Variants in SHANK2 observed in about 807,000 individuals in gnomAD.
The protein encoded by SHANK2 is SH3 and multiple ankyrin repeat domains protein 2.
In SHANK2, 43 loss-of-function variants were observed where a neutral mutation model predicts 133.7. The observed-to-expected ratio is 0.32, with a 90% CI of 0.25 to 0.41. The LOEUF (loss-of-function observed/expected upper bound fraction) is 0.41, where lower values mean the gene tolerates loss of function less well. SHANK2 is among the 10% of genes least tolerant of loss of function. The pLI is 1.00. For synonymous variants in SHANK2, 1,017 were observed against 952.8 expected (o/e 1.07, Z -1.24); for missense variants, 1,994 against 2,235.8 (o/e 0.89, Z 2.18).
chr11:70,486,397 A>G lies in SHANK2; in HGVS notation c.3896T>C (p.Leu1299Pro), dbSNP rs2058805911. The change falls in exon 25 of 26, where the codon CTG becomes CCG. Residue 1299 changes from leucine (L) to proline (P), a missense_variant. Physicochemically the swap from Leu to Pro is moderately conservative, Grantham distance 98. Transcript: ENST00000601538. The surrounding 1 kb of genome is among the most constrained non-coding windows in gnomAD (Gnocchi z 8.0). ...DRKGDDKKNM[L>P]IDIMDTSQQK... ...CTGGGACGTGTCCATGATGTCGATCAGCATGTTCTTCTTGTCATCGCCTTT... is the reference window on the plus strand; with the variant it reads ...CTGGGACGTGTCCATGATGTCGATCGGCATGTTCTTCTTGTCATCGCCTTT... 5.0e-6 allele frequency: 8 copies of G among 1,613,854 alleles called. No individual in the cohort carries two copies. The highest frequency in any genetic ancestry group is 6.8e-6 in the Non-Finnish European group (8 of 1,180,022).
At chr11:71,190,623 C>T (rs1440026364) in intron 2 of SHANK2, among the ~76,000 whole-genome samples, 1 of 152,202 alleles carries the variant, frequency 6.6e-6, no homozygotes, top group East Asian at 1.9e-4. Flanking sequence ...CTCTTAAGGC[C>T]TCTCCCCTTT....
At chr11:70,697,856 C>A (rs573643152) in intron 15 of SHANK2, among the ~76,000 whole-genome samples, 5 of 152,128 alleles carry the variant, frequency 3.3e-5, no homozygotes, top group African/African-American at 4.8e-5. Context: ...GGGCACAGGA[C>A]CCTCACATCC....
intron 17 of SHANK2, among the ~76,000 whole-genome samples, chr11:70,590,208 A>C (rs2060303858): frequency 6.6e-6 from 1 of 152,144 alleles, no homozygotes; most frequent in South Asian, 2.1e-4. Context: ...TGAAGATGGG[A>C]CTTAAACGCT....
At chr11:71,134,321 G>T (rs1396936834) in intron 3 of SHANK2, among the ~76,000 whole-genome samples, 1 of 151,740 alleles carries the variant, frequency 6.6e-6, no homozygotes, top group African/African-American at 2.4e-5. Context: ...CTCTTGGGGG[G>T]ATGGAAGCTT....
chr11:70,825,543 C>T (rs576459076), intron 11 of SHANK2, among the ~76,000 whole-genome samples: 10 of 152,272 alleles, frequency 6.6e-5, no homozygotes, highest in Non-Finnish European at 1.5e-4. Context: ...GAAATCTCAC[C>T]GGTGACATCA....
chr11:71,158,141 T>C (rs560619339), intron 2 of SHANK2, among the ~76,000 whole-genome samples: 24 of 152,200 alleles, frequency 1.6e-4, no homozygotes, highest in Non-Finnish European at 3.1e-4. Context: ...CCGAATGCAT[T>C]GTTTATGGAC....
rs1554986726 is a variant in SHANK2 at position 70,586,295 on chromosome 11, G to T, written c.2061+73533C>A. Among the ~76,000 whole-genome samples the T allele has an allele frequency of 2.0e-5, 3 of 152,260 alleles. No homozygotes were observed. In the East Asian group the frequency reaches 5.8e-4, roughly 29 times the overall value. On this transcript the variant is annotated intron_variant, in intron 17 of 25. Transcript: ENST00000601538. ...GGGGGCAGATCAGGAAGATGGGAAT[G>T]GGGTGCCTCCTCAGGGACCCTCTGG...
intron 17 of SHANK2, among the ~76,000 whole-genome samples, chr11:70,526,532 G>A (rs138722312): frequency 1.9e-4 from 29 of 152,274 alleles, no homozygotes; most frequent in African/African-American, 5.3e-4. Flanking sequence ...CAGCGCACAC[G>A]CGTCAGGGCC....
intron 2 of SHANK2, among the ~76,000 whole-genome samples, chr11:71,176,303 C>A (rs782713487): frequency 9.9e-5 from 15 of 152,062 alleles, no homozygotes; most frequent in Non-Finnish European, 1.6e-4. Context: ...ACAGGTCCAA[C>A]AAGATTAAAT....
chr11:70,664,250 C>G (rs985458179), intron 15 of SHANK2, among the ~76,000 whole-genome samples: 1 of 152,184 alleles, frequency 6.6e-6, no homozygotes, highest in African/African-American at 2.4e-5. Context: ...TAGTCACCAC[C>G]CATTTTCCCT....
chr11:70,497,062 G>A, intron 21 of SHANK2: 1 of 456,516 alleles, frequency 2.2e-6, no homozygotes, highest in Non-Finnish European at 4.4e-6. Context: ...GGCGTGTTGG[G>A]GTGGTAGGGT....
At chr11:71,080,990 C>G (rs987233683) in intron 8 of SHANK2, among the ~76,000 whole-genome samples, 3 of 152,150 alleles carry the variant, frequency 2.0e-5, no homozygotes, top group African/African-American at 7.2e-5. Flanking sequence ...AGCATTCATG[C>G]GTTGGAGTCC....
chr11:70,671,269 C>T (rs782737254), intron 15 of SHANK2, among the ~76,000 whole-genome samples: 16 of 152,014 alleles, frequency 1.1e-4, no homozygotes, highest in Non-Finnish European at 2.1e-4. Flanking sequence ...CGAACGGAAA[C>T]GTCGTCTAGG....
Position 71,175,554 on chromosome 11 carries a change from GA to G in SHANK2, c.-12-28217del, listed in dbSNP as rs879960544. Among the ~76,000 whole-genome samples the G allele has an allele frequency of 0.35, 18,699 of 52,866 alleles. 1,498 individuals carry two copies. Among genetic ancestry groups the G allele is most frequent in the South Asian group, 0.5 (802 of 1,600 alleles). The allele number at this position is 52,866 out of a possible 152,430, so 34.7% of individuals were successfully genotyped here. A position where few individuals can be genotyped will look rare whatever the true frequency, so the allele number is the denominator to read the frequency against. On this transcript the variant is annotated intron_variant, in intron 2 of 25. Coordinates refer to ENST00000601538, the MANE Select transcript of SHANK2 (RefSeq NM_012309.5). This position sits in a 1 kb window ranked among gnomAD's most constrained non-coding sequence, Gnocchi z 4.2. ...ACAGACAGAGGGAGAGGGAGAGGGA[GA>G]GAGAGAGAGAGAGAGAGAGAGAGAG...
intron 3 of SHANK2, among the ~76,000 whole-genome samples, chr11:71,120,299 C>T (rs1334870261): frequency 6.6e-6 from 1 of 152,216 alleles, no homozygotes; most frequent in African/African-American, 2.4e-5. Context: ...TTCTACTGAA[C>T]AGCTGTCAGC....
chr11:70,849,948 CTTTT>C (rs1301331149), intron 11 of SHANK2, among the ~76,000 whole-genome samples: 1 of 152,178 alleles, frequency 6.6e-6, no homozygotes, highest in Non-Finnish European at 1.5e-5. Context: ...GTCTCCAGAA[CTTTT>C]TCATCTTCCC....
At chr11:71,140,981 G>A (rs1952543555) in intron 3 of SHANK2, among the ~76,000 whole-genome samples, 3 of 152,236 alleles carry the variant, frequency 2.0e-5, no homozygotes, top group Admixed American at 2.0e-4. Flanking sequence ...AAGGCTGGGT[G>A]TCCCCAGGAC....
At chr11:70,593,815 T>C (rs138304362) in intron 17 of SHANK2, among the ~76,000 whole-genome samples, 242 of 152,312 alleles carry the variant, frequency 1.6e-3, no homozygotes, top group Admixed American at 2.5e-3. Flanking sequence ...GCAACTGTTA[T>C]CATTAGTTCC....
intron 2 of SHANK2, among the ~76,000 whole-genome samples, chr11:71,153,895 G>A (rs1263814732): frequency 1.8e-4 from 27 of 152,126 alleles, no homozygotes; most frequent in Admixed American, 1.8e-3. Context: ...GCTTGAACTT[G>A]GGAGGCGGAG....
Sources: allele counts gnomAD v4.1 joint callset (sites outside exome capture counted in the v4.1 genomes callset), GRCh38; gene constraint gnomAD v4.1.1; non-coding constraint Gnocchi (gnomAD v3.1); transcripts MANE v1.5; gene names NCBI Gene and HGNC (gene_info 2026-07-23, HGNC 2026-07-21).